ITGA8: variants seen among roughly 807,000 people sequenced by gnomAD.
The protein encoded by ITGA8 is integrin subunit alpha 8, also known as integrin alpha-8.
Under a neutral mutation model 142.3 loss-of-function variants are expected in ITGA8, and 91 were observed. The observed-to-expected ratio is 0.64, with a 90% confidence interval of 0.54 to 0.76. ITGA8 has a LOEUF of 0.76. Among genes scored for constraint, ITGA8 ranks in the 30% least tolerant of loss-of-function variants. ITGA8 has a pLI of 0.00. For missense variants in ITGA8, 1,406 were observed against 1,327.7 expected, an observed-to-expected ratio of 1.06 and a Z score of -0.92; for synonymous variants, 505 against 485.2, an observed-to-expected ratio of 1.04 and a Z score of -0.54.
At chr10:15,541,536 G>C (rs1188999754) in intron 27 of ITGA8, among the ~76,000 whole-genome samples, 1 of 152,186 alleles carries the variant, frequency 6.6e-6, no homozygotes, top group Non-Finnish European at 1.5e-5. Flanking sequence ...CTCATTTGTT[G>C]GTTAGTTTTG....
chr10:15,669,649 T>C (rs10904614), intron 8 of ITGA8, among the ~76,000 whole-genome samples: 87,826 of 151,890 alleles, frequency 0.58, 26,468 homozygotes, highest in South Asian at 0.75. Flanking sequence ...TGGTTTTATC[T>C]ACCTTTGGTC....
In ITGA8 at chr10:15,605,806, C is replaced by T. The variant is rs181815859; in HGVS notation, c.1903-15G>A. On this transcript the variant is annotated splice_polypyrimidine_tract_variant and intron_variant, in intron 18 of 29. Coordinates refer to ENST00000378076, the MANE Select transcript of ITGA8 (RefSeq NM_003638.3). ...AGAATGTGAGCCTGTGTTGTATAAA[C>T]GCACGTCAGGAACAATCTAGGAAAA... 5.6e-3 allele frequency: 9,063 copies of T among 1,611,216 alleles called. 33 individuals carry two copies. The highest frequency in any genetic ancestry group is 6.9e-3 in the Non-Finnish European group (8,080 of 1,177,618).
At chr10:15,518,611 G>T (rs187878128) in intron 29 of ITGA8, among the ~76,000 whole-genome samples, 1 of 152,194 alleles carries the variant, frequency 6.6e-6, no homozygotes, top group Non-Finnish European at 1.5e-5. Context: ...TAACTGGGAC[G>T]TCATTTCCAT....
In ITGA8 at chr10:15,597,412, T is replaced by C. The variant is rs3737304; in HGVS notation, c.2119-113A>G. On this transcript the variant is annotated intron_variant, in intron 20 of 29. Transcript: ENST00000378076. ...GGATCTCAAACACCCAGGAGGGCGA[T>C]AGTGCAAAAAAAGTAATTGATGACC... The C allele has an allele frequency of 0.035, 27,054 of 767,096 alleles. 975 individuals are homozygous for C. The highest frequency in any genetic ancestry group is 0.1 in the African/African-American group (6,007 of 57,884). The allele number at this position is 767,096 out of a possible 1,614,324, so 47.5% of individuals were successfully genotyped here. A position where few individuals can be genotyped will look rare whatever the true frequency, so the allele number is the denominator to read the frequency against.
intron 20 of ITGA8, among the ~76,000 whole-genome samples, chr10:15,599,695 T>C (rs1414472140): frequency 7.4e-6 from 1 of 135,650 alleles, no homozygotes; most frequent in East Asian, 2.2e-4. Flanking sequence ...CCGAGGCAGG[T>C]GGATCGCCTG....
At position 15,688,125 on chromosome 10, in the gene ITGA8, T is replaced by G. The variant is rs540061367; in HGVS notation, c.344-87A>C. 4.9e-5 allele frequency: 44 copies of G among 895,310 alleles called. No individual in the cohort carries two copies. In the African/African-American group the frequency reaches 6.2e-4, roughly 13 times the overall value. 55.5% of individuals were successfully genotyped at this position (895,310 alleles called of 1,614,324 possible). A position where few individuals can be genotyped will look rare whatever the true frequency, so the allele number is the denominator to read the frequency against. On this transcript the variant is annotated intron_variant, in intron 2 of 29. Coordinates refer to ENST00000378076, the MANE Select transcript of ITGA8 (RefSeq NM_003638.3). ...AATAAATTTGTACATTAAAAATACT[T>G]GAACTAATACCAATCCTTGTCAAAC... is the stretch of plus-strand genomic sequence containing the variant.
At chr10:15,710,820 C>T (rs537032008) in intron 2 of ITGA8, among the ~76,000 whole-genome samples, 54 of 152,290 alleles carry the variant, frequency 3.5e-4, no homozygotes, top group Admixed American at 5.9e-4. Flanking sequence ...TGAGATGCTG[C>T]GTATAGCGTG....
chr10:15,603,515 T>C lies in ITGA8; in HGVS notation c.2118+693A>G, dbSNP rs866115663. Among the ~76,000 whole-genome samples, 7 of 152,364 alleles carry C rather than the reference T, an allele frequency of 4.6e-5. 1 individual carries two copies. The highest frequency in any genetic ancestry group is 3.4e-3 in the Middle Eastern group (1 of 294). On this transcript the variant is annotated intron_variant, in intron 20 of 29. Transcript: ENST00000378076. ...CACTGAGGGACTTTCTCTGTTATTCTACAATGTATTTTTAATAGTTTTCTA... is the reference window on the plus strand; with the variant it reads ...CACTGAGGGACTTTCTCTGTTATTCCACAATGTATTTTTAATAGTTTTCTA...
At chr10:15,587,388 G>A (rs1432070727) in intron 22 of ITGA8, among the ~76,000 whole-genome samples, 1 of 152,134 alleles carries the variant, frequency 6.6e-6, no homozygotes, top group Non-Finnish European at 1.5e-5. Flanking sequence ...TGCTAATAAA[G>A]AGAAGAACTG....
intron 27 of ITGA8, among the ~76,000 whole-genome samples, chr10:15,532,263 C>CA (rs1262902061): frequency 6.6e-6 from 1 of 151,196 alleles, no homozygotes; most frequent in Non-Finnish European, 1.5e-5. Flanking sequence ...ACTAAAAATA[C>CA]AAAAAATTAG....
chr10:15,520,096 G>A (rs751274463), intron 28 of ITGA8, among the ~76,000 whole-genome samples: 21 of 152,208 alleles, frequency 1.4e-4, no homozygotes, highest in East Asian at 1.2e-3. Context: ...TTTTTGATGC[G>A]TTGGAGATGA....
chr10:15,694,263 TC>T lies in ITGA8; in HGVS notation c.344-6226del, dbSNP rs1834995184. Among the ~76,000 whole-genome samples the T allele has an allele frequency of 1.3e-4, 13 of 98,048 alleles. 1 individual carries two copies. The highest frequency in any genetic ancestry group is 3.8e-4 in the African/African-American group (11 of 29,050). The allele number at this position is 98,048 out of a possible 152,430, so 64.3% of individuals were successfully genotyped here. A position where few individuals can be genotyped will look rare whatever the true frequency, so the allele number is the denominator to read the frequency against. On this transcript the variant is annotated intron_variant, in intron 2 of 29. Coordinates refer to ENST00000378076, the MANE Select transcript of ITGA8 (RefSeq NM_003638.3). ...TATCATATATATGATAACATATACATCAGATAATATATCATACATCAGATAA... is the reference window on the plus strand; with the variant it reads ...TATCATATATATGATAACATATACATAGATAATATATCATACATCAGATAA...
intron 27 of ITGA8, among the ~76,000 whole-genome samples, chr10:15,543,346 G>T (rs189379957): frequency 2.3e-4 from 35 of 152,228 alleles, no homozygotes; most frequent in African/African-American, 8.2e-4. Flanking sequence ...TTTGCTAATA[G>T]GCAGTTTTCA....
intron 8 of ITGA8, among the ~76,000 whole-genome samples, chr10:15,668,106 G>A (rs1158145053): frequency 3.9e-5 from 6 of 152,168 alleles, no homozygotes; most frequent in African/African-American, 1.2e-4. Flanking sequence ...TCTGTCTAAT[G>A]TTGACAGGGG....
intron 2 of ITGA8, among the ~76,000 whole-genome samples, chr10:15,702,444 C>T (rs754120592): frequency 6.6e-6 from 1 of 152,262 alleles, no homozygotes; most frequent in Middle Eastern, 3.4e-3. Flanking sequence ...GTGGCCCCCA[C>T]TGTGCCCAGC....
intron 26 of ITGA8, among the ~76,000 whole-genome samples, chr10:15,553,328 A>G (rs995259974): frequency 7.9e-5 from 12 of 151,156 alleles, no homozygotes; most frequent in African/African-American, 2.4e-4. Flanking sequence ...TTTGTCTTCA[A>G]AAAGTAACTT....
intron 11 of ITGA8, 78 bp downstream of exon 11, chr10:15,655,276 G>T: frequency 1.0e-6 from 1 of 975,376 alleles, no homozygotes; most frequent in Non-Finnish European, 1.6e-6. Context: ...AAGGAAGGGT[G>T]TATTTTGTGA....
At chr10:15,671,812 A>G (rs183990859) in intron 7 of ITGA8, among the ~76,000 whole-genome samples, 165 bp from the exon 8 acceptor site, 135 of 151,916 alleles carry the variant, frequency 8.9e-4, no homozygotes, top group Middle Eastern at 3.4e-3. Flanking sequence ...AATCACACCA[A>G]AAGGAACACT....
At chr10:15,696,861 C>CAAA (rs750418009) in intron 2 of ITGA8, among the ~76,000 whole-genome samples, 142 of 52,500 alleles carry the variant, frequency 2.7e-3, no homozygotes, top group African/African-American at 8.0e-3. Flanking sequence ...TAACTCTTAC[C>CAAA]AAAAAAAAAA....
Sources: gnomAD v4.1 joint callset for allele counts (sites outside exome capture counted in the v4.1 genomes callset) on GRCh38, gnomAD v4.1.1 for gene constraint, MANE v1.5 for transcripts, NCBI Gene and HGNC (gene_info 2026-07-23, HGNC 2026-07-21) for gene names.